The following DROSHA variants were observed in gnomAD, a reference collection of about 807,000 sequenced individuals.
DROSHA encodes the protein ribonuclease 3.
DROSHA carries 56 observed loss-of-function variants against 181.9 expected under a neutral mutation model. The ratio of observed to expected loss-of-function variants is 0.31; its 90% CI spans 0.25 to 0.38. DROSHA has a LOEUF of 0.38. Among genes scored for constraint, DROSHA ranks in the 10% least tolerant of loss-of-function variants. The pLI is 1.00. For synonymous variants in DROSHA, 524 were observed against 591.2 expected (o/e 0.89, Z 1.65); for missense variants, 1,218 against 1,743.5 (o/e 0.70, Z 5.37).
chr5:31,421,894 A>AAAAT (rs1561132889), intron 29 of DROSHA: 3 of 53,518 alleles, frequency 5.6e-5, no homozygotes, highest in African/African-American at 2.3e-4. Flanking sequence ...AAAAAAAAAA[A>AAAAT]ATATATATAT....
intron 20 of DROSHA, among the ~76,000 whole-genome samples, chr5:31,454,151 T>G (rs140139080): frequency 7.9e-4 from 120 of 152,226 alleles, no homozygotes; most frequent in African/African-American, 2.7e-3. Flanking sequence ...TAACAACACA[T>G]GTTCACCGCA....
chr5:31,504,341 C>T (rs577238832), intron 11 of DROSHA, among the ~76,000 whole-genome samples: 26 of 152,172 alleles, frequency 1.7e-4, no homozygotes, highest in Admixed American at 7.2e-4. Flanking sequence ...AATAATAAAA[C>T]GACTAAAACT....
At chr5:31,424,571 G>A in intron 27 of DROSHA, 100 bp from the exon 28 acceptor site, 1 of 1,377,408 alleles carries the variant, frequency 7.3e-7, no homozygotes, top group South Asian at 1.4e-5. Context: ...AACTATTTCA[G>A]ACACTGACTC....
chr5:31,471,903 A>G (rs950879250), intron 17 of DROSHA, among the ~76,000 whole-genome samples, 160 bp downstream of exon 17: 2 of 152,194 alleles, frequency 1.3e-5, no homozygotes, highest in African/African-American at 4.8e-5. Flanking sequence ...CTAAATTGTA[A>G]TATTTTCTTA....
intron 28 of DROSHA, chr5:31,423,186 A>G: frequency 3.3e-6 from 1 of 302,042 alleles, no homozygotes; most frequent in Non-Finnish European, 6.0e-6. Context: ...TACTGTACAC[A>G]GATAGTTCAA....
chr5:31,413,079 C>A (rs1264164471), intron 30 of DROSHA, among the ~76,000 whole-genome samples: 1 of 152,236 alleles, frequency 6.6e-6, no homozygotes, highest in East Asian at 1.9e-4. Context: ...TGATACCTCA[C>A]TGGCGGCCAG....
rs1275186838 is a variant in DROSHA, at chr5:31,410,897, A to G, written c.3526-10T>C. ...AAGAGCTTCGCAACAACTGCCCAAA[A>G]GGAATGGCGGTACATTGAGAACACA... is the stretch of plus-strand genomic sequence containing the variant. On this transcript the variant is annotated splice_polypyrimidine_tract_variant and intron_variant, in intron 30 of 35. Transcript: ENST00000344624. The G allele has an allele frequency of 1.3e-5, 21 of 1,613,638 alleles. No individual in the cohort carries two copies. Among genetic ancestry groups the G allele is most frequent in the Non-Finnish European group, 1.7e-5 (20 of 1,179,672 alleles).
chr5:31,412,671 C>A (rs564282133), intron 30 of DROSHA, among the ~76,000 whole-genome samples: 1 of 152,302 alleles, frequency 6.6e-6, no homozygotes, highest in South Asian at 2.1e-4. Context: ...TTTCCTCCTC[C>A]TGTCTCCCCC....
chr5:31,518,434 G>A (rs1456938316), intron 6 of DROSHA, among the ~76,000 whole-genome samples: 1 of 152,066 alleles, frequency 6.6e-6, no homozygotes, highest in Admixed American at 6.6e-5. Flanking sequence ...CTTCCCATTG[G>A]TCCTATGCAT....
intron 27 of DROSHA, among the ~76,000 whole-genome samples, chr5:31,428,528 T>A (rs1743759097): frequency 6.6e-6 from 1 of 152,172 alleles, no homozygotes; most frequent in South Asian, 2.1e-4. Context: ...AATCTTCCCA[T>A]AAGGAGGAAA....
chr5:31,424,000 T>C (rs1286548962), intron 28 of DROSHA, among the ~76,000 whole-genome samples: 5 of 152,214 alleles, frequency 3.3e-5, no homozygotes, highest in Non-Finnish European at 7.3e-5. Flanking sequence ...CCAGATTAGA[T>C]CATACGTTAA....
chr5:31,453,646 C>A (rs1216453725), intron 20 of DROSHA, among the ~76,000 whole-genome samples: 17 of 152,270 alleles, frequency 1.1e-4, no homozygotes, highest in Admixed American at 9.2e-4. Flanking sequence ...TACTTCCTTG[C>A]TTCCTTTAAC....
At chr5:31,504,669 G>C (rs1171090515) in intron 10 of DROSHA, 34 bp from the exon 11 acceptor site, 4 of 1,611,400 alleles carry the variant, frequency 2.5e-6, no homozygotes, top group South Asian at 2.2e-5. Context: ...GTTTTTATTG[G>C]AGGGAAAAAT....
chr5:31,499,965 G>A (rs10065450), intron 11 of DROSHA, among the ~76,000 whole-genome samples: 14 of 152,096 alleles, frequency 9.2e-5, no homozygotes, highest in African/African-American at 3.1e-4. Flanking sequence ...CCTGTGAGAG[G>A]GGCCAAGCCT....
At chr5:31,449,241 C>T (rs1458758132) in intron 22 of DROSHA, 40 bp downstream of exon 22, 1 of 1,608,992 alleles carries the variant, frequency 6.2e-7, no homozygotes, top group Non-Finnish European at 8.5e-7. Context: ...AAACACAGGC[C>T]AAAATAGGAG....
intron 17 of DROSHA, among the ~76,000 whole-genome samples, chr5:31,469,460 A>T (rs117194495): frequency 6.9e-4 from 105 of 152,346 alleles, no homozygotes; most frequent in Admixed American, 5.8e-3. Flanking sequence ...TGCTCTCAAA[A>T]TTTGAAAATG....
intron 29 of DROSHA, among the ~76,000 whole-genome samples, chr5:31,422,513 T>C (rs1209039859): frequency 1.3e-5 from 2 of 152,180 alleles, no homozygotes; most frequent in Non-Finnish European, 2.9e-5. Flanking sequence ...CTAAAATATT[T>C]AGTATCTGTC....
chr5:31,501,799 T>C (rs1282844378), intron 11 of DROSHA, among the ~76,000 whole-genome samples: 1 of 152,128 alleles, frequency 6.6e-6, no homozygotes, highest in African/African-American at 2.4e-5. Context: ...TAGTTATAGT[T>C]TTGCCCCAGT....
intron 6 of DROSHA, among the ~76,000 whole-genome samples, chr5:31,516,970 T>G (rs918594159): frequency 6.6e-6 from 1 of 152,216 alleles, no homozygotes; most frequent in Non-Finnish European, 1.5e-5. Flanking sequence ...AAGGCTTCTC[T>G]CTAGTTAGGC....
Sources: gnomAD v4.1 joint callset for allele counts (sites outside exome capture counted in the v4.1 genomes callset) on GRCh38, gnomAD v4.1.1 for gene constraint, MANE v1.5 for transcripts, NCBI Gene and HGNC (gene_info 2026-07-23, HGNC 2026-07-21) for gene names.